Variants in CNOT4 observed in about 807,000 individuals in gnomAD.
CNOT4 encodes the protein CCR4-associated factor 4.
Under a neutral mutation model 73.8 loss-of-function variants are expected in CNOT4, and 8 were observed. The ratio of observed to expected loss-of-function variants is 0.11; its 90% confidence interval spans 0.06 to 0.20. The LOEUF (loss-of-function observed/expected upper bound fraction) is 0.20, where lower values mean the gene tolerates loss of function less well. Among genes scored for constraint, CNOT4 ranks in the 10% least tolerant of loss-of-function variants. The pLI, the probability that CNOT4 is intolerant of heterozygous loss-of-function variation, is 1.00. For synonymous variants in CNOT4, 293 were observed against 321.1 expected (o/e 0.91, Z 0.94); for missense variants, 564 against 883.4 (o/e 0.64, Z 4.58).
At chr7:135,464,321 G>A (rs1325447435) in intron 1 of CNOT4, among the ~76,000 whole-genome samples, 1 of 152,052 alleles carries the variant, frequency 6.6e-6, no homozygotes, top group Non-Finnish European at 1.5e-5. Context: ...AGAAAATGTG[G>A]TACATATACA....
In CNOT4 at chr7:135,362,715, G is replaced by A. The variant is rs1293459766; in HGVS notation, c.*170C>T. Reference sequence around the variant, plus strand: ...AAATTTTTACAATTAATAAAGAGATGGTAATGACCCTGTGATCGCATTGCA... The same window carrying A: ...AAATTTTTACAATTAATAAAGAGATAGTAATGACCCTGTGATCGCATTGCA... On this transcript the variant is annotated 3_prime_UTR_variant, in exon 12 of 12. Coordinates refer to ENST00000541284, the MANE Select transcript of CNOT4 (RefSeq NM_001190850.2). 1 of 774,424 alleles carries A rather than the reference G, an allele frequency of 1.3e-6. No homozygotes were observed. The highest frequency in any genetic ancestry group is 1.7e-5 in the African/African-American group (1 of 59,092). The allele number at this position is 774,424 out of a possible 1,614,324, so 48.0% of individuals were successfully genotyped here.
chr7:135,399,391 A>G (rs537257987), intron 7 of CNOT4, among the ~76,000 whole-genome samples: 114 of 152,222 alleles, frequency 7.5e-4, no homozygotes, highest in Admixed American at 2.0e-3. Flanking sequence ...AAGGGTAAGC[A>G]TTTGTGTATC....
intron 1 of CNOT4, among the ~76,000 whole-genome samples, chr7:135,493,692 A>C (rs1284461066): frequency 6.6e-6 from 1 of 152,206 alleles, no homozygotes; most frequent in African/African-American, 2.4e-5. Flanking sequence ...GTCCTGGTGG[A>C]CTAATACAAG....
intron 2 of CNOT4, among the ~76,000 whole-genome samples, chr7:135,435,353 C>G (rs1435911308): frequency 6.6e-6 from 1 of 152,120 alleles, no homozygotes; most frequent in Non-Finnish European, 1.5e-5. Flanking sequence ...ATCTATGCTG[C>G]TTTTCCTTCA....
At chr7:135,406,529 T>C (rs191434621) in intron 7 of CNOT4, among the ~76,000 whole-genome samples, 20 of 152,116 alleles carry the variant, frequency 1.3e-4, no homozygotes, top group African/African-American at 4.8e-4. Context: ...GGTGTGTTGA[T>C]GTGCACCTGT....
chr7:135,439,159 T>G (rs1040173244), intron 1 of CNOT4, among the ~76,000 whole-genome samples: 19 of 152,210 alleles, frequency 1.2e-4, no homozygotes, highest in African/African-American at 4.6e-4. Context: ...AGGTAATATC[T>G]TAGGCTAAAG....
chr7:135,397,125 T>G (rs1422957550), intron 8 of CNOT4, among the ~76,000 whole-genome samples: 2 of 152,080 alleles, frequency 1.3e-5, no homozygotes, highest in Non-Finnish European at 2.9e-5. Flanking sequence ...AAGTATATGC[T>G]TTTCAAGCAA....
intron 3 of CNOT4, among the ~76,000 whole-genome samples, chr7:135,421,503 GA>G (rs1182908851): frequency 6.6e-6 from 1 of 152,112 alleles, no homozygotes; most frequent in Non-Finnish European, 1.5e-5. Flanking sequence ...GGGCCTCAAG[GA>G]AAGTATGAGT....
intron 6 of CNOT4, among the ~76,000 whole-genome samples, chr7:135,411,501 C>A (rs1339794299): frequency 6.6e-6 from 1 of 151,942 alleles, no homozygotes; most frequent in East Asian, 1.9e-4. Context: ...GAATGCTATG[C>A]TTACTCTAGC....
chr7:135,391,762 T>C lies in CNOT4; in HGVS notation c.1627+2156A>G, dbSNP rs1796413225. 2.6e-5 allele frequency among the ~76,000 whole-genome samples: 4 copies of C among 152,176 alleles called. No homozygotes were observed. In the South Asian group the frequency reaches 8.3e-4, roughly 32 times the overall value. ...AGAATAACTATTGGTTTGAAATATATGGGTTAAAACTACTCTTCAGTGTTA... is the reference window on the plus strand; with the variant it reads ...AGAATAACTATTGGTTTGAAATATACGGGTTAAAACTACTCTTCAGTGTTA... On this transcript the variant is annotated intron_variant, in intron 10 of 11. Transcript: ENST00000541284.
At chr7:135,470,942 T>G (rs978046658) in intron 1 of CNOT4, among the ~76,000 whole-genome samples, 36 of 152,198 alleles carry the variant, frequency 2.4e-4, no homozygotes, top group African/African-American at 8.7e-4. Context: ...ATCTAACACT[T>G]ATTTAAGATT....
chr7:135,500,545 G>T (rs1451560937), intron 1 of CNOT4, among the ~76,000 whole-genome samples: 1 of 152,044 alleles, frequency 6.6e-6, no homozygotes, highest in African/African-American at 2.4e-5. Flanking sequence ...TGTTTAACCA[G>T]ACCTGTTTTT....
chr7:135,448,841 T>A (rs552887008), intron 1 of CNOT4, among the ~76,000 whole-genome samples: 2 of 151,804 alleles, frequency 1.3e-5, no homozygotes, highest in Non-Finnish European at 1.5e-5. Flanking sequence ...AAAAGTACAT[T>A]TGAACTGGCA....
chr7:135,431,800 T>C (rs1250044151), intron 2 of CNOT4, among the ~76,000 whole-genome samples: 1 of 106 alleles, frequency 9.4e-3, no homozygotes, highest in African/African-American at 0.026. Context: ...ATATGGATAA[T>C]ATAACAAACA....
At chr7:135,418,169 C>G (rs984353705) in intron 3 of CNOT4, among the ~76,000 whole-genome samples, 1 of 152,146 alleles carries the variant, frequency 6.6e-6, no homozygotes, top group African/African-American at 2.4e-5. Flanking sequence ...TAGCAAATGG[C>G]AAGCGGTTGA....
At chr7:135,401,672 G>T (rs149752257) in intron 7 of CNOT4, among the ~76,000 whole-genome samples, 1 of 152,084 alleles carries the variant, frequency 6.6e-6, no homozygotes, top group African/African-American at 2.4e-5. Flanking sequence ...AAAAATTGGA[G>T]ATACCAATTC....
chr7:135,460,689 G>T (rs984848751), intron 1 of CNOT4, among the ~76,000 whole-genome samples: 2 of 152,022 alleles, frequency 1.3e-5, no homozygotes, highest in African/African-American at 4.8e-5. Flanking sequence ...ATGTGACACC[G>T]AAACATGAAG....
At chr7:135,446,061 C>G (rs1799805452) in intron 1 of CNOT4, among the ~76,000 whole-genome samples, 1 of 152,034 alleles carries the variant, frequency 6.6e-6, no homozygotes, top group Non-Finnish European at 1.5e-5. Flanking sequence ...TTTTAAATAT[C>G]TATATAGATG....
intron 1 of CNOT4, among the ~76,000 whole-genome samples, chr7:135,507,918 AGTAG>A (rs1804481890): frequency 6.6e-6 from 1 of 152,222 alleles, no homozygotes; most frequent in South Asian, 2.1e-4. Flanking sequence ...CAGTTCTAAG[AGTAG>A]GTATTTATTT....
Sources: allele counts gnomAD v4.1 joint callset (sites outside exome capture counted in the v4.1 genomes callset), GRCh38; gene constraint gnomAD v4.1.1; transcripts MANE v1.5; gene names NCBI Gene and HGNC (gene_info 2026-07-23, HGNC 2026-07-21).